Variants in ZNF277 observed in about 807,000 individuals in gnomAD.
The protein encoded by ZNF277 is zinc finger protein 277, also known as nuclear receptor-interacting factor 4.
ZNF277 carries 55 observed loss-of-function variants against 60.7 expected under a neutral mutation model. The ratio of observed to expected loss-of-function variants is 0.91; its 90% CI spans 0.73 to 1.13. The LOEUF is 1.13. Among genes scored for constraint, ZNF277 ranks in the 50% most tolerant of loss-of-function variants. The pLI is 0.00. For synonymous variants in ZNF277, 178 were observed against 179.3 expected, an observed-to-expected ratio of 0.99 and a Z score of 0.06; for missense variants, 510 against 523.0, an observed-to-expected ratio of 0.98 and a Z score of 0.24.
At chr7:112,251,087 T>C (rs1791191601) in intron 1 of ZNF277, among the ~76,000 whole-genome samples, 1 of 152,148 alleles carries the variant, frequency 6.6e-6, no homozygotes, top group Non-Finnish European at 1.5e-5. Context: ...TGTTTCTTCC[T>C]CTCTTCCAAT....
In ZNF277 at chr7:112,234,234, A is replaced by G. The variant is rs138101424; in HGVS notation, c.91+27427A>G. On this transcript the variant is annotated intron_variant, in intron 1 of 11. Coordinates refer to ENST00000361822, the MANE Select transcript of ZNF277 (RefSeq NM_021994.3). ...TATATGTGCCTTTTAAATATTGACA[A>G]ATGTTTTCTGTCTTTGTCCATTTAT... Among the ~76,000 whole-genome samples the G allele has an allele frequency of 1.7e-3, 255 of 152,226 alleles. 2 individuals are homozygous for G. Among genetic ancestry groups the G allele is most frequent in the Admixed American group, 0.016 (242 of 15,286 alleles).
intron 1 of ZNF277, among the ~76,000 whole-genome samples, chr7:112,265,501 A>G (rs1247561815): frequency 6.6e-6 from 1 of 152,212 alleles, no homozygotes; most frequent in East Asian, 1.9e-4. Context: ...CATATCAGAT[A>G]TAATAATACG....
At chr7:112,257,568 A>G (rs1399192819) in intron 1 of ZNF277, among the ~76,000 whole-genome samples, 1 of 152,200 alleles carries the variant, frequency 6.6e-6, no homozygotes, top group African/African-American at 2.4e-5. Flanking sequence ...AGACTTCATT[A>G]GTAGATTTTA....
At chr7:112,258,044 C>CAGAAT (rs1451469349) in intron 1 of ZNF277, among the ~76,000 whole-genome samples, 9 of 151,576 alleles carry the variant, frequency 5.9e-5, no homozygotes, top group Non-Finnish European at 1.0e-4. Context: ...TTTTTTAAGC[C>CAGAAT]AGAATATGAA....
chr7:112,252,511 G>C (rs1278519697), intron 1 of ZNF277, among the ~76,000 whole-genome samples: 2 of 152,032 alleles, frequency 1.3e-5, no homozygotes, highest in African/African-American at 2.4e-5. Flanking sequence ...CTGGCTAAAA[G>C]GTACTTTATA....
chr7:112,228,134 A>G (rs1184435139), intron 1 of ZNF277, among the ~76,000 whole-genome samples: 1 of 151,924 alleles, frequency 6.6e-6, no homozygotes, highest in Non-Finnish European at 1.5e-5. Context: ...GCGTGACTCC[A>G]GTCTCTGCCT....
chr7:112,294,720 CCAGCACAGACTT>C (rs1792286805), intron 2 of ZNF277, among the ~76,000 whole-genome samples: 1 of 152,078 alleles, frequency 6.6e-6, no homozygotes, highest in South Asian at 2.1e-4. Flanking sequence ...AGACCTCTCT[CCAGCACAGACTT>C]CTAATACACA....
At position 112,343,776 on chromosome 7, in the gene ZNF277, A is replaced by G. The variant is rs1365399251; in HGVS notation, c.*1047A>G. ...CCCCATCTCTACGAAAAATACACAG[A>G]TTAGCCAGGCATGGTGGAATGCACC... On this transcript the variant is annotated 3_prime_UTR_variant, in exon 12 of 12. Transcript: ENST00000361822. Among the ~76,000 whole-genome samples, 3 of 151,984 alleles carry G rather than the reference A, an allele frequency of 2.0e-5. No individual in the cohort carries two copies. Among genetic ancestry groups the G allele is most frequent in the Non-Finnish European group, 4.4e-5 (3 of 68,010 alleles).
chr7:112,224,586 A>G (rs1381118651), intron 1 of ZNF277, among the ~76,000 whole-genome samples: 2 of 152,204 alleles, frequency 1.3e-5, no homozygotes, highest in African/African-American at 4.8e-5. Flanking sequence ...GTAATCAGAT[A>G]TCACCTGGGG....
chr7:112,312,991 A>G (rs1277113034), intron 4 of ZNF277, among the ~76,000 whole-genome samples: 3 of 152,116 alleles, frequency 2.0e-5, no homozygotes, highest in Admixed American at 6.5e-5. Context: ...AGTATATGTT[A>G]TATCTTTGTT....
Position 112,320,456 on chromosome 7 carries a change from A to G in ZNF277, c.557+2183A>G, listed in dbSNP as rs570478716. On this transcript the variant is annotated intron_variant, in intron 5 of 11. Coordinates refer to ENST00000361822, the MANE Select transcript of ZNF277 (RefSeq NM_021994.3). ...AGACACAACTTGATTCCACCTATGC[A>G]CTATATTAACAGTGTTGCAGGCATA... Among the ~76,000 whole-genome samples the G allele has an allele frequency of 3.3e-5, 5 of 152,252 alleles. No individual in the cohort carries two copies. In the East Asian group the frequency reaches 5.8e-4, roughly 18 times the overall value.
intron 1 of ZNF277, among the ~76,000 whole-genome samples, chr7:112,212,002 A>C (rs1195846844): frequency 6.6e-6 from 1 of 152,250 alleles, no homozygotes; most frequent in Non-Finnish European, 1.5e-5. Flanking sequence ...ACTGAAGTAG[A>C]ATAAAAAACT....
chr7:112,323,364 T>A (rs1375719717), intron 5 of ZNF277, among the ~76,000 whole-genome samples: 1 of 152,218 alleles, frequency 6.6e-6, no homozygotes, highest in Admixed American at 6.5e-5. Flanking sequence ...TTGTCACTGA[T>A]TGTTTCTGGC....
At chr7:112,305,837 G>A (rs923586717) in intron 4 of ZNF277, among the ~76,000 whole-genome samples, 1 of 152,058 alleles carries the variant, frequency 6.6e-6, no homozygotes, top group Non-Finnish European at 1.5e-5. Flanking sequence ...TGCTGGTCCA[G>A]TGTCTCCAGT....
chr7:112,336,508 A>G (rs1052065668), intron 8 of ZNF277, among the ~76,000 whole-genome samples: 1 of 152,164 alleles, frequency 6.6e-6, no homozygotes, highest in Non-Finnish European at 1.5e-5. Flanking sequence ...TGTTGCTGTC[A>G]TTGGAATAGA....
chr7:112,310,470 A>AGAGAGAGT, intron 4 of ZNF277, among the ~76,000 whole-genome samples: 1 of 146,560 alleles, frequency 6.8e-6, no homozygotes. Flanking sequence ...AGAGAGAGAG[A>AGAGAGAGT]GAGAGAGAGT....
chr7:112,337,891 A>G, intron 9 of ZNF277, 65 bp downstream of exon 9: 1 of 1,320,314 alleles, frequency 7.6e-7, no homozygotes, highest in Admixed American at 1.8e-5. Context: ...TAATTGTTGC[A>G]CCCTCATCTG....
At chr7:112,251,019 C>T (rs1191579780) in intron 1 of ZNF277, among the ~76,000 whole-genome samples, 1 of 152,124 alleles carries the variant, frequency 6.6e-6, no homozygotes, top group Admixed American at 6.6e-5. Context: ...ATAATTTCCA[C>T]CCACCTTTAT....
At chr7:112,272,555 A>T (rs1791696972) in intron 1 of ZNF277, among the ~76,000 whole-genome samples, 1 of 152,152 alleles carries the variant, frequency 6.6e-6, no homozygotes, top group Admixed American at 6.5e-5. Flanking sequence ...GTGCAATGGC[A>T]CAATCTTGGC....
Sources: allele counts gnomAD v4.1 joint callset (sites outside exome capture counted in the v4.1 genomes callset), GRCh38; gene constraint gnomAD v4.1.1; transcripts MANE v1.5; gene names NCBI Gene and HGNC (gene_info 2026-07-23, HGNC 2026-07-21).